NAALADL2: variants seen among roughly 807,000 people sequenced by gnomAD.
NAALADL2 encodes the protein inactive N-acetylated-alpha-linked acidic dipeptidase-like protein 2.
In NAALADL2, 76 loss-of-function variants were observed where a neutral mutation model predicts 87.2. The ratio of observed to expected loss-of-function variants is 0.87; its 90% CI spans 0.72 to 1.05. The LOEUF (loss-of-function observed/expected upper bound fraction) is 1.05, where lower values mean the gene tolerates loss of function less well. Among genes scored for constraint, NAALADL2 ranks in the 50% least tolerant of loss-of-function variants. NAALADL2 has a pLI of 0.00. For synonymous variants in NAALADL2, 354 were observed against 331.0 expected (o/e 1.07, Z -0.75); for missense variants, 1,089 against 945.8 (o/e 1.15, Z -1.99).
rs1338586302 is a variant in NAALADL2 at position 174,763,584 on chromosome 3, C to G, written c.-9+25838C>G. ...CCTGGGCTACAGAGCGAGACTCCAT[C>G]TCAAAAAAAAAAAAAAAGACTAAAA... is the stretch of plus-strand genomic sequence containing the variant. On this transcript the variant is annotated intron_variant, in intron 3 of 3. Coordinates refer to the NAALADL2 transcript ENST00000434257. 5.7e-4 allele frequency among the ~76,000 whole-genome samples: 3 copies of G among 5,260 alleles called. No individual in the cohort carries two copies. The African/African-American group carries it at 0.013, about 23-fold the overall frequency. 3.5% of individuals were successfully genotyped at this position (5,260 alleles called of 152,430 possible).
intron 1 of NAALADL2, among the ~76,000 whole-genome samples, chr3:174,940,442 G>A (rs541269709): frequency 1.8e-4 from 28 of 152,190 alleles, no homozygotes; most frequent in African/African-American, 6.3e-4. Context: ...TTGCATCTGT[G>A]TTCATCCAGA....
intron 1 of NAALADL2, among the ~76,000 whole-genome samples, chr3:174,982,840 C>T (rs1351618192): frequency 6.6e-6 from 1 of 152,074 alleles, no homozygotes; most frequent in Non-Finnish European, 1.5e-5. Flanking sequence ...CTCTGTTGCC[C>T]AGGCTGAAGT....
chr3:174,994,924 A>G (rs917293071), intron 1 of NAALADL2, among the ~76,000 whole-genome samples: 11 of 152,144 alleles, frequency 7.2e-5, no homozygotes, highest in African/African-American at 2.4e-4. Flanking sequence ...TCCCTTGTCA[A>G]TGGTAAGCAC....
At chr3:174,555,571 AT>A (rs1489560734) in intron 2 of NAALADL2, among the ~76,000 whole-genome samples, 3 of 152,188 alleles carry the variant, frequency 2.0e-5, no homozygotes, top group African/African-American at 7.2e-5. Flanking sequence ...AAGTGCTGGG[AT>A]TACAGGCATG....
chr3:175,412,891 T>TTTTTTATTA (rs776876343), intron 5 of NAALADL2, among the ~76,000 whole-genome samples: 27 of 123,008 alleles, frequency 2.2e-4, no homozygotes, highest in African/African-American at 5.9e-4. Flanking sequence ...ATTTAATTTA[T>TTTTTTATTA]TTATTATTAT....
At chr3:175,134,905 C>T (rs72622557) in intron 2 of NAALADL2, among the ~76,000 whole-genome samples, 13,639 of 152,188 alleles carry the variant, frequency 0.09, 697 homozygotes, top group East Asian at 0.25. Context: ...ACTAAAGCAA[C>T]AATTATACAA....
intron 1 of NAALADL2, among the ~76,000 whole-genome samples, chr3:174,539,175 T>C (rs1721994215): frequency 6.6e-6 from 1 of 152,212 alleles, no homozygotes; most frequent in East Asian, 1.9e-4. Context: ...GTAAAGACAA[T>C]AATTTTCAGC....
intron 1 of NAALADL2, among the ~76,000 whole-genome samples, chr3:174,978,489 A>G (rs930528613): frequency 3.3e-5 from 5 of 152,240 alleles, no homozygotes; most frequent in African/African-American, 9.6e-5. Flanking sequence ...CAGAATGCCT[A>G]TCACAAGGTA....
At chr3:174,931,801 G>A (rs1247428363) in intron 1 of NAALADL2, among the ~76,000 whole-genome samples, 1 of 152,144 alleles carries the variant, frequency 6.6e-6, no homozygotes, top group Non-Finnish European at 1.5e-5. Flanking sequence ...AAACCAGGTT[G>A]ACTAGATCCT....
intron 3 of NAALADL2, among the ~76,000 whole-genome samples, chr3:175,241,143 T>C (rs1432160219): frequency 6.6e-6 from 1 of 152,236 alleles, no homozygotes; most frequent in African/African-American, 2.4e-5. Flanking sequence ...TGACCTTCTG[T>C]TTCTCATTTT....
intron 1 of NAALADL2, among the ~76,000 whole-genome samples, chr3:174,966,841 G>A (rs1742946969): frequency 1.3e-5 from 2 of 152,124 alleles, no homozygotes; most frequent in Admixed American, 6.6e-5. Context: ...GTAGGTATAG[G>A]GTTAGAGAAA....
At chr3:175,684,121 A>G (rs1437184245) in intron 11 of NAALADL2, among the ~76,000 whole-genome samples, 2 of 151,944 alleles carry the variant, frequency 1.3e-5, no homozygotes, top group African/African-American at 4.8e-5. Context: ...AGTGTTAAAG[A>G]GCCAGCAGAC....
chr3:175,455,670 A>T (rs1309710118), intron 6 of NAALADL2, among the ~76,000 whole-genome samples: 1 of 152,076 alleles, frequency 6.6e-6, no homozygotes, highest in Non-Finnish European at 1.5e-5. Flanking sequence ...GGATAGCTAT[A>T]TGTACTTGAA....
chr3:174,586,511 C>T (rs978707575), intron 2 of NAALADL2, among the ~76,000 whole-genome samples: 3 of 152,204 alleles, frequency 2.0e-5, no homozygotes, highest in Non-Finnish European at 4.4e-5. Context: ...TAAGAACTTA[C>T]ATACAGTGGT....
intron 9 of NAALADL2, among the ~76,000 whole-genome samples, chr3:175,560,332 C>T (rs929243806): frequency 6.6e-6 from 1 of 151,986 alleles, no homozygotes; most frequent in Non-Finnish European, 1.5e-5. Context: ...TTTTTTCTTA[C>T]TTAATCTGGC....
chr3:175,152,784 G>A (rs764460605), intron 2 of NAALADL2, among the ~76,000 whole-genome samples: 2 of 152,022 alleles, frequency 1.3e-5, no homozygotes, highest in Non-Finnish European at 2.9e-5. Context: ...GCAGGCACCT[G>A]TAATCCCGGC....
chr3:175,324,373 G>A (rs1458482068), intron 5 of NAALADL2, 48 bp downstream of exon 5: 1 of 1,460,310 alleles, frequency 6.8e-7, no homozygotes, highest in South Asian at 1.4e-5. Flanking sequence ...AGCATTACAA[G>A]GTTGCAATTT....
intron 9 of NAALADL2, among the ~76,000 whole-genome samples, chr3:175,484,882 T>C (rs1727024607): frequency 6.6e-6 from 1 of 152,196 alleles, no homozygotes; most frequent in African/African-American, 2.4e-5. Flanking sequence ...GAACTGTTAC[T>C]TGCTGTTCTT....
chr3:175,474,622 A>G (rs1200408003), intron 9 of NAALADL2, among the ~76,000 whole-genome samples: 1 of 152,174 alleles, frequency 6.6e-6, no homozygotes, highest in Non-Finnish European at 1.5e-5. Flanking sequence ...ATAACCATGT[A>G]TACACAATCA....
Sources: allele counts gnomAD v4.1 joint callset (sites outside exome capture counted in the v4.1 genomes callset), GRCh38; gene constraint gnomAD v4.1.1; transcripts MANE v1.5; gene names NCBI Gene and HGNC (gene_info 2026-07-23, HGNC 2026-07-21).